The following PCLO variants were observed in gnomAD, a reference collection of about 807,000 sequenced individuals.
PCLO encodes protein piccolo.
A neutral mutation model predicts 427.5 loss-of-function variants in PCLO; 82 were observed. The observed-to-expected ratio is 0.19, with a 90% CI of 0.16 to 0.23. The LOEUF (loss-of-function observed/expected upper bound fraction) is 0.23, where lower values mean the gene tolerates loss of function less well. Ranked by LOEUF, PCLO falls within the 10% of genes least tolerant of loss-of-function variation. PCLO has a pLI of 1.00. For synonymous variants in PCLO, 2,357 were observed against 2,155.4 expected (o/e 1.09, Z -2.59); for missense variants, 6,239 against 6,115.9 (o/e 1.02, Z -0.67).
chr7:83,112,804 T>C (rs1386431074), intron 3 of PCLO, among the ~76,000 whole-genome samples: 1 of 152,178 alleles, frequency 6.6e-6, no homozygotes, highest in Non-Finnish European at 1.5e-5. Flanking sequence ...ACATCACAAA[T>C]GAAAGAACAC....
chr7:83,016,370 T>C (rs1481531410), intron 3 of PCLO, among the ~76,000 whole-genome samples: 1 of 152,204 alleles, frequency 6.6e-6, no homozygotes, highest in Non-Finnish European at 1.5e-5. Context: ...TCAGTTCACA[T>C]GTTAGGGTTA....
intron 3 of PCLO, among the ~76,000 whole-genome samples, chr7:83,059,310 A>T (rs28622159): frequency 7.1e-6 from 1 of 139,864 alleles, no homozygotes; most frequent in East Asian, 2.0e-4. Context: ...TATATATATT[A>T]TATTTATATA....
At chr7:83,024,348 G>A (rs1303859699) in intron 3 of PCLO, among the ~76,000 whole-genome samples, 1 of 152,188 alleles carries the variant, frequency 6.6e-6, no homozygotes, top group African/African-American at 2.4e-5. Flanking sequence ...GGTGATGGAC[G>A]GCACCTGGAA....
chr7:82,957,729 C>G (rs1202107073), intron 4 of PCLO, among the ~76,000 whole-genome samples: 1 of 152,168 alleles, frequency 6.6e-6, no homozygotes, highest in Non-Finnish European at 1.5e-5. Flanking sequence ...CATCTCATCT[C>G]AAAGGTGTTT....
chr7:82,829,756 A>ACCTGT (rs1562805692), intron 16 of PCLO, among the ~76,000 whole-genome samples: 1 of 152,164 alleles, frequency 6.6e-6, no homozygotes, highest in Non-Finnish European at 1.5e-5. Context: ...CTTCTGCCAT[A>ACCTGT]GAGAAATTCT....
intron 10 of PCLO, among the ~76,000 whole-genome samples, chr7:82,861,714 T>C (rs972637312): frequency 8.6e-5 from 13 of 152,046 alleles, no homozygotes; most frequent in Non-Finnish European, 1.8e-4. Flanking sequence ...TTCTCAAGGA[T>C]AGACCACATG....
intron 3 of PCLO, among the ~76,000 whole-genome samples, chr7:83,047,250 T>C (rs540888907): frequency 1.3e-3 from 198 of 152,126 alleles, no homozygotes; most frequent in African/African-American, 4.5e-3. Context: ...TCAAAGTACT[T>C]ATGAGAGAAT....
chr7:82,759,250 T>G (rs1337452271), intron 24 of PCLO, among the ~76,000 whole-genome samples: 2 of 150,716 alleles, frequency 1.3e-5, no homozygotes, highest in Admixed American at 6.6e-5. Context: ...ACTAAAGAAT[T>G]TTTTTTTTTC....
Position 82,950,395 on chromosome 7 carries a change from G to C in PCLO, c.10193C>G (p.Pro3398Arg), listed in dbSNP as rs1014244719. The C allele has an allele frequency of 3.1e-6, 5 of 1,613,506 alleles. No individual in the cohort carries two copies. The highest frequency in any genetic ancestry group is 1.6e-4 in the Middle Eastern group (1 of 6,084). ...CTCTTTCACAACAACATCTGTTAGAGGTATTTCTGAAACAGTGCTCAGGAT... is the reference window on the plus strand; with the variant it reads ...CTCTTTCACAACAACATCTGTTAGACGTATTTCTGAAACAGTGCTCAGGAT... ...PGILSTVSEI[P>R]LTDVVVKEEK... The change falls in exon 6 of 25, where the codon CCT (proline) becomes CGT (arginine). Residue 3398 changes from proline to arginine, a missense_variant. By Grantham distance (103) the Pro-to-Arg change is moderately radical (BLOSUM62 -2). Around this residue, in one of 5 missense-constraint regions of PCLO, gnomAD observed 4,677 missense variants for 4,468.4 expected, o/e 1.05. Transcript: ENST00000333891.
Position 83,135,096 on chromosome 7 carries a change from A to C in PCLO, c.2454T>G (p.Ser818=). 1 of 1,613,962 alleles carries C rather than the reference A, an allele frequency of 6.2e-7. No individual in the cohort carries two copies. Among genetic ancestry groups the C allele is most frequent in the Non-Finnish European group, 8.5e-7 (1 of 1,179,888 alleles). ...PTGEKVSPFD[S]KAIPRPASDS... is the part of the protein sequence containing the mutation. ...CTGATGCAGGTCGAGGTATGGCTTT[A>C]GAATCAAATGGGCTGACTTTTTCCC... Residue 818 remains serine, a synonymous_variant, in exon 3 of 25, where the codon TCT becomes TCG. Coordinates refer to ENST00000333891, the MANE Select transcript of PCLO (RefSeq NM_033026.6).
At chr7:82,815,360 C>T (rs1166625298) in intron 20 of PCLO, among the ~76,000 whole-genome samples, 1 of 151,976 alleles carries the variant, frequency 6.6e-6, no homozygotes, top group South Asian at 2.1e-4. Context: ...AATGGTGATT[C>T]AATAGTTATT....
chr7:82,954,220 C>A lies in PCLO; in HGVS notation c.6733G>T (p.Val2245Leu). The A allele has an allele frequency of 3.1e-6, 5 of 1,613,594 alleles. No individual in the cohort carries two copies. The highest frequency in any genetic ancestry group is 1.1e-5 in the South Asian group (1 of 91,046). ...SIIDYPEEIS[V>L]SLDRTAPPDG... ...GGTGGGGCAGTCCGATCTAAAGATA[C>A]ACTTATTTCTTCTGGATAGTCTATA... Residue 2245 changes from valine to leucine, a missense_variant, in exon 5 of 25, where the codon GTA (valine) becomes TTA (leucine). Physicochemically the swap from Val to Leu is conservative, Grantham distance 32 (BLOSUM62 1). Transcript: ENST00000333891.
At chr7:82,996,847 C>T (rs1385210050) in intron 3 of PCLO, among the ~76,000 whole-genome samples, 2 of 149,000 alleles carry the variant, frequency 1.3e-5, no homozygotes, top group East Asian at 3.9e-4. Flanking sequence ...ATTTCTATAT[C>T]TAAGCATCTA....
intron 3 of PCLO, among the ~76,000 whole-genome samples, chr7:83,041,673 G>A (rs763756649): frequency 4.6e-5 from 7 of 152,096 alleles, no homozygotes; most frequent in Non-Finnish European, 1.0e-4. Flanking sequence ...GCATAAAAGT[G>A]GGGCAGCCAA....
intron 3 of PCLO, among the ~76,000 whole-genome samples, chr7:83,049,977 TTTG>T: frequency 6.6e-6 from 1 of 151,392 alleles, no homozygotes; most frequent in South Asian, 2.1e-4. Context: ...TTTCCTCAAA[TTTG>T]TTATTTCTTC....
chr7:82,876,219 C>T (rs1793365927), intron 10 of PCLO, among the ~76,000 whole-genome samples: 1 of 151,878 alleles, frequency 6.6e-6, no homozygotes, highest in Non-Finnish European at 1.5e-5. Context: ...GTTCAACACC[C>T]TTATTGCCTT....
chr7:82,992,554 G>A (rs1227427974), intron 3 of PCLO, among the ~76,000 whole-genome samples: 1 of 152,064 alleles, frequency 6.6e-6, no homozygotes. Flanking sequence ...ACTTATGAGT[G>A]AGAACATGCA....
intron 3 of PCLO, among the ~76,000 whole-genome samples, chr7:82,994,564 C>G (rs1168195985): frequency 6.6e-6 from 1 of 151,448 alleles, no homozygotes; most frequent in Non-Finnish European, 1.5e-5. Flanking sequence ...ATGACTTGAT[C>G]AGATAATTAT....
At chr7:83,154,356 CT>C (rs1016719686) in intron 2 of PCLO, among the ~76,000 whole-genome samples, 14 of 152,252 alleles carry the variant, frequency 9.2e-5, no homozygotes, top group African/African-American at 2.9e-4. Context: ...ACATTGTCCA[CT>C]TTTTTTCTAA....
Sources: allele counts gnomAD v4.1 joint callset (sites outside exome capture counted in the v4.1 genomes callset), GRCh38; gene constraint gnomAD v4.1.1; regional missense constraint gnomAD v4.1.1; transcripts MANE v1.5; gene names NCBI Gene and HGNC (gene_info 2026-07-23, HGNC 2026-07-21).